PTPRK: variants seen among roughly 807,000 people sequenced by gnomAD.
PTPRK encodes protein tyrosine phosphatase receptor type K.
Under a neutral mutation model 178.0 loss-of-function variants are expected in PTPRK, and 75 were observed. The observed-to-expected ratio is 0.42, with a 90% CI of 0.35 to 0.51. The LOEUF (loss-of-function observed/expected upper bound fraction) is 0.51. PTPRK is among the 20% of genes least tolerant of loss of function. PTPRK has a pLI of 0.02. For missense variants in PTPRK, 1,441 were observed against 1,797.8 expected, an observed-to-expected ratio of 0.80 and a Z score of 3.59; for synonymous variants, 637 against 620.6, an observed-to-expected ratio of 1.03 and a Z score of -0.39.
In PTPRK at chr6:128,413,231, G is replaced by A. The variant is rs117209803; in HGVS notation, c.101-15543C>T. The stretch of plus-strand genomic sequence containing the variant: ...AGCAATCCCACAAAGGAAGAGAAAG[G>A]AAATATCAAGGGTATCTGTCAAGTG... On this transcript the variant is annotated intron_variant, in intron 1 of 29. Transcript: ENST00000368226. Among the ~76,000 whole-genome samples, 491 of 152,196 alleles carry A rather than the reference G, an allele frequency of 3.2e-3. 2 individuals are homozygous for A. Among genetic ancestry groups the A allele is most frequent in the Non-Finnish European group, 5.9e-3 (399 of 68,008 alleles).
chr6:128,408,240 T>G (rs1841921120), intron 1 of PTPRK, among the ~76,000 whole-genome samples: 1 of 151,546 alleles, frequency 6.6e-6, no homozygotes, highest in African/African-American at 2.4e-5. Flanking sequence ...ATACAAGAAA[T>G]AGTTGGGCGT....
At chr6:128,138,942 C>T (rs117263734) in intron 7 of PTPRK, among the ~76,000 whole-genome samples, 3,884 of 152,030 alleles carry the variant, frequency 0.026, 76 homozygotes, top group Middle Eastern at 0.095. Context: ...GGTCTATGCA[C>T]CCCCAAGAGG....
chr6:128,424,239 C>T (rs1486939626), intron 1 of PTPRK, among the ~76,000 whole-genome samples: 1 of 151,872 alleles, frequency 6.6e-6, no homozygotes, highest in East Asian at 1.9e-4. Flanking sequence ...TCTCTTAAAA[C>T]ATTAATAAAT....
intron 7 of PTPRK, among the ~76,000 whole-genome samples, chr6:128,153,472 T>G (rs1797560156): frequency 6.6e-6 from 1 of 152,018 alleles, no homozygotes; most frequent in African/African-American, 2.4e-5. Context: ...ACATATATGC[T>G]ATCAAAAGAA....
chr6:128,419,383 C>T (rs549973498), intron 1 of PTPRK, among the ~76,000 whole-genome samples: 4 of 152,250 alleles, frequency 2.6e-5, no homozygotes, highest in African/African-American at 7.2e-5. Flanking sequence ...GACACCAAGG[C>T]GGGCGGATCA....
intron 15 of PTPRK, 30 bp from the exon 16 acceptor site, chr6:127,998,934 A>T: frequency 1.3e-6 from 2 of 1,487,402 alleles, no homozygotes; most frequent in Non-Finnish European, 1.8e-6. Context: ...AGAAGATTAA[A>T]AAAGAGACAA....
chr6:128,061,802 A>C (rs1334638323), intron 13 of PTPRK, among the ~76,000 whole-genome samples: 1 of 152,130 alleles, frequency 6.6e-6, no homozygotes, highest in Admixed American at 6.6e-5. Context: ...TAATATTCTC[A>C]GTGCTGTTTC....
chr6:128,164,739 A>G (rs1049536547), intron 7 of PTPRK, among the ~76,000 whole-genome samples: 2 of 151,246 alleles, frequency 1.3e-5, no homozygotes, highest in Non-Finnish European at 3.0e-5. Flanking sequence ...GATTAAAAAC[A>G]TTTAATAAAT....
intron 11 of PTPRK, among the ~76,000 whole-genome samples, chr6:128,074,598 T>A (rs1019257940): frequency 6.6e-6 from 1 of 152,064 alleles, no homozygotes; most frequent in Non-Finnish European, 1.5e-5. Flanking sequence ...TAAGGATAGA[T>A]CTCAAAAAGT....
At chr6:128,154,104 G>T (rs1426752787) in intron 7 of PTPRK, among the ~76,000 whole-genome samples, 1 of 151,618 alleles carries the variant, frequency 6.6e-6, no homozygotes, top group East Asian at 1.9e-4. Flanking sequence ...GCTAAGACAG[G>T]TTTATTTCCT....
In PTPRK at chr6:127,990,792, C is replaced by A. The variant is rs1453476758; in HGVS notation, c.3073G>T (p.Val1025Phe). 1 of 1,607,844 alleles carries A rather than the reference C, an allele frequency of 6.2e-7. No homozygotes were observed. The highest frequency in any genetic ancestry group is 8.5e-7 in the Non-Finnish European group (1 of 1,174,824). ...VEMEPLAEYV[V>F]RTFTLERRGY... ...ACCCTTTCCAGGGTGAATGTCCTAA[C>A]TACATATTCAGCAAGTGGTTCCATT... The change falls in exon 21 of 30, where the codon GTT becomes TTT. Residue 1025 changes from valine (V) to phenylalanine (F), a missense_variant. This residue lies in a region of PTPRK where 945 missense variants were observed against 1,080.6 expected (regional missense o/e 0.87). Transcript: ENST00000368226.
chr6:127,991,420 T>A, intron 19 of PTPRK, 29 bp from the exon 20 acceptor site: 1 of 1,506,552 alleles, frequency 6.6e-7, no homozygotes, highest in South Asian at 1.4e-5. Flanking sequence ...GAATATTATG[T>A]TATCAAAGGA....
chr6:128,071,025 C>T (rs531060977), intron 11 of PTPRK, among the ~76,000 whole-genome samples: 66 of 151,528 alleles, frequency 4.4e-4, no homozygotes, highest in Non-Finnish European at 4.9e-4. Context: ...TTCTCATTTA[C>T]CTTTCTTCCT....
chr6:128,201,478 G>C (rs144878829), intron 6 of PTPRK, among the ~76,000 whole-genome samples: 6 of 152,292 alleles, frequency 3.9e-5, no homozygotes, highest in Middle Eastern at 3.4e-3. Flanking sequence ...GACATGTGTG[G>C]TAGTCCTAAA....
chr6:128,029,097 G>C (rs533142356), intron 13 of PTPRK, among the ~76,000 whole-genome samples: 181 of 152,214 alleles, frequency 1.2e-3, no homozygotes, highest in African/African-American at 3.7e-3. Context: ...GACTTGGTGG[G>C]AGGTTTTTGG....
At chr6:128,063,927 T>C (rs191634211) in intron 13 of PTPRK, among the ~76,000 whole-genome samples, 187 of 152,250 alleles carry the variant, frequency 1.2e-3, no homozygotes, top group African/African-American at 4.3e-3. Context: ...ATGAATCAAC[T>C]ACTGGACACA....
At chr6:128,230,323 A>C (rs1812087802) in intron 5 of PTPRK, among the ~76,000 whole-genome samples, 1 of 152,250 alleles carries the variant, frequency 6.6e-6, no homozygotes, top group Non-Finnish European at 1.5e-5. Flanking sequence ...AAGTGACTTA[A>C]AAAGATGTCT....
intron 1 of PTPRK, among the ~76,000 whole-genome samples, chr6:128,451,777 TAA>T (rs1201603024): frequency 3.3e-5 from 5 of 152,168 alleles, no homozygotes; most frequent in Non-Finnish European, 5.9e-5. Flanking sequence ...ATAATCCACA[TAA>T]ACCTAAGTTA....
intron 1 of PTPRK, among the ~76,000 whole-genome samples, chr6:128,497,466 AC>A (rs1358761480): frequency 1.3e-5 from 2 of 152,164 alleles, no homozygotes; most frequent in African/African-American, 4.8e-5. Context: ...TAATTTGAAC[AC>A]AAACTAGACA....
Sources: allele counts gnomAD v4.1 joint callset (sites outside exome capture counted in the v4.1 genomes callset), GRCh38; gene constraint gnomAD v4.1.1; regional missense constraint gnomAD v4.1.1; transcripts MANE v1.5; gene names NCBI Gene and HGNC (gene_info 2026-07-23, HGNC 2026-07-21).